Variants in ZNF341 observed in about 807,000 individuals in gnomAD.
ZNF341 encodes the protein zinc finger protein 341.
Under a neutral mutation model 87.7 loss-of-function variants are expected in ZNF341, and 52 were observed. The ratio of observed to expected loss-of-function variants is 0.59; its 90% CI spans 0.47 to 0.75. The LOEUF (loss-of-function observed/expected upper bound fraction) is 0.75, where lower values mean the gene tolerates loss of function less well. Among genes scored for constraint, ZNF341 ranks in the 30% least tolerant of loss-of-function variants. The pLI is 0.00. For synonymous variants in ZNF341, 459 were observed against 472.7 expected (o/e 0.97, Z 0.38); for missense variants, 977 against 1,145.9 (o/e 0.85, Z 2.13).
intron 5 of ZNF341, among the ~76,000 whole-genome samples, chr20:33,755,353 G>A (rs1490366271): frequency 1.3e-5 from 2 of 151,904 alleles, no homozygotes; most frequent in Admixed American, 6.6e-5. Flanking sequence ...ATTAGAGATA[G>A]GGGTCTCACT....
chr20:33,791,085 C>A lies in ZNF341; in HGVS notation c.2133C>A (p.Phe711Leu). ...GCGCCCACACGGGCAACTACAAGTT[C>A]CGCTGTGCTGGCTGCGCCAAGGGCT... ...HQRAHTGNYK[F>L]RCAGCAKGFS... Residue 711 changes from phenylalanine to leucine, a missense_variant, in exon 15 of 15, where the codon TTC becomes TTA. Around this residue, in one of 3 missense-constraint regions of ZNF341, gnomAD observed 221 missense variants for 212.7 expected, o/e 1.04. Transcript: ENST00000375200. 6.2e-7 allele frequency: 1 copy of A among 1,613,274 alleles called. No individual in the cohort carries two copies. Among genetic ancestry groups the A allele is most frequent in the Non-Finnish European group, 8.5e-7 (1 of 1,180,018 alleles).
chr20:33,748,247 T>A (rs1201923954), intron 3 of ZNF341, among the ~76,000 whole-genome samples: 2 of 151,868 alleles, frequency 1.3e-5, no homozygotes, highest in African/African-American at 4.8e-5. Context: ...ACTTTTTGTA[T>A]TTTTAGTAGA....
chr20:33,737,877 C>T (rs2018724318), intron 1 of ZNF341, among the ~76,000 whole-genome samples: 1 of 152,094 alleles, frequency 6.6e-6, no homozygotes, highest in Non-Finnish European at 1.5e-5. Flanking sequence ...GTGGCTCACA[C>T]CTGTAACCCC....
chr20:33,779,282 TGAGGACTG>T (rs2019691820), intron 10 of ZNF341, among the ~76,000 whole-genome samples: 1 of 152,048 alleles, frequency 6.6e-6, no homozygotes, highest in Non-Finnish European at 1.5e-5. Context: ...CTCACTATCC[TGAGGACTG>T]CACCAAGGGG....
Position 33,770,230 on chromosome 20 carries a change from G to A in ZNF341, c.1560G>A (p.Val520=). Residue 520 remains valine (V), a synonymous_variant, in exon 10 of 15, where the codon GTG becomes GTA. Transcript: ENST00000375200. The part of the protein sequence containing the change: ...KDFPSLYDLG[V]HQYSHSLLPQ... ...TCCCCTCGCTGTACGACCTGGGCGT[G>A]CACCAGTACTCCCACAGCCTCCTGC... The A allele has an allele frequency of 6.2e-7, 1 of 1,611,552 alleles. No individual in the cohort carries two copies. Among genetic ancestry groups the A allele is most frequent in the Non-Finnish European group, 8.5e-7 (1 of 1,179,122 alleles).
chr20:33,749,249 G>A (rs1367964937), intron 4 of ZNF341, among the ~76,000 whole-genome samples, 177 bp downstream of exon 4: 1 of 152,194 alleles, frequency 6.6e-6, no homozygotes, highest in Non-Finnish European at 1.5e-5. Context: ...CTACGTCTAG[G>A]TGGGGACCCA....
rs909165033 is a variant in ZNF341 at position 33,745,280 on chromosome 20, C to T, written c.320C>T (p.Pro107Leu). ...SAAPTAVQQA[P>L]TPANRQISTY... Reference sequence around the variant, plus strand: ...GCACCCACAGCGGTCCAGCAGGCCCCAACTCCTGCCAATCGCCAGGTATTT... The same window carrying T: ...GCACCCACAGCGGTCCAGCAGGCCCTAACTCCTGCCAATCGCCAGGTATTT... Residue 107 changes from proline (P) to leucine (L), a missense_variant, in exon 3 of 15, where the codon CCA (proline) becomes CTA (leucine). Physicochemically the swap from Pro to Leu is moderately conservative, Grantham distance 98. Around this residue, in one of 3 missense-constraint regions of ZNF341, gnomAD observed 515 missense variants for 598.2 expected, o/e 0.86. Transcript: ENST00000375200. 3 of 1,611,986 alleles carry T rather than the reference C, an allele frequency of 1.9e-6. No homozygotes were observed. Among genetic ancestry groups the T allele is most frequent in the African/African-American group, 2.7e-5 (2 of 74,868 alleles).
rs1433468980 is a variant in ZNF341 at position 33,783,787 on chromosome 20, G to A, written c.1775G>A (p.Gly592Asp). The A allele has an allele frequency of 6.2e-7, 1 of 1,613,810 alleles. No homozygotes were observed. The highest frequency in any genetic ancestry group is 1.3e-5 in the African/African-American group (1 of 74,952). ...CATCTGCCCACCCACGGCAGCGGGG[G>A]CAGGTTCAAGTGCCAAGTGTGCAAG... ...RRHLPTHGSG[G>D]RFKCQVCKKF... The change falls in exon 12 of 15, where the codon GGC becomes GAC. Residue 592 changes from glycine (G) to aspartate (D), a missense_variant. This residue lies in a region of ZNF341 where 241 missense variants were observed against 335.0 expected (regional missense o/e 0.72). Transcript: ENST00000375200.
In ZNF341 at chr20:33,791,390, C is replaced by G. The variant is rs1440488557; in HGVS notation, c.2438C>G (p.Thr813Ser). ...GTGGGTGGTGCGGTGGGCGCGGAAA[C>G]TGAGCTGGTGGTACCTGGACACGCT... ...IVVGGAVGAE[T>S]ELVVPGHAEG... Residue 813 changes from threonine (T) to serine (S), a missense_variant, in exon 15 of 15, where the codon ACT (threonine) becomes AGT (serine). Coordinates refer to ENST00000375200, the MANE Select transcript of ZNF341 (RefSeq NM_001282933.2). The G allele has an allele frequency of 6.2e-6, 10 of 1,612,572 alleles. No homozygotes were observed. Among genetic ancestry groups the G allele is most frequent in the Non-Finnish European group, 8.5e-6 (10 of 1,179,760 alleles).
chr20:33,790,455 T>C (rs1302710091), intron 14 of ZNF341, among the ~76,000 whole-genome samples: 1 of 152,178 alleles, frequency 6.6e-6, no homozygotes, highest in African/African-American at 2.4e-5. Context: ...TTCTATCTAC[T>C]GGTGTCAGTG....
At chr20:33,776,498 C>T (rs1568590202) in intron 10 of ZNF341, among the ~76,000 whole-genome samples, 1 of 152,116 alleles carries the variant, frequency 6.6e-6, no homozygotes, top group Admixed American at 6.6e-5. Context: ...AGCAATCCTC[C>T]AGCTCAGCCT....
Position 33,757,313 on chromosome 20 carries a change from C to A in ZNF341, c.907C>A (p.Arg303=), listed in dbSNP as rs561674641. Residue 303 remains arginine (R), a synonymous_variant, in exon 6 of 15, where the codon CGA becomes AGA. Transcript: ENST00000375200. Reference sequence around the variant, plus strand: ...CTCTCCAGCAACGCTGAAGACCCGACGAGCTAAAGGTGCCAGGGGACTCCC... The same window carrying A: ...CTCTCCAGCAACGCTGAAGACCCGAAGAGCTAAAGGTGCCAGGGGACTCCC... ...FDSPATLKTR[R]AKGARGLPEA... The A allele has an allele frequency of 1.3e-6, 2 of 1,583,894 alleles. No individual in the cohort carries two copies.
intron 10 of ZNF341, among the ~76,000 whole-genome samples, chr20:33,779,610 C>T (rs1159436121): frequency 1.3e-5 from 2 of 152,100 alleles, no homozygotes; most frequent in East Asian, 3.9e-4. Flanking sequence ...GCCACCACGC[C>T]TGGCTAATGT....
intron 8 of ZNF341, among the ~76,000 whole-genome samples, chr20:33,765,814 C>T (rs2019392918): frequency 6.6e-6 from 1 of 152,160 alleles, no homozygotes; most frequent in African/African-American, 2.4e-5. Context: ...AGGCCAGAGG[C>T]CCCTGATGTC....
intron 4 of ZNF341, 92 bp downstream of exon 4, chr20:33,749,164 G>A: frequency 1.3e-6 from 2 of 1,487,182 alleles, no homozygotes; most frequent in Non-Finnish European, 1.8e-6. Flanking sequence ...AAGGGGGCCT[G>A]GCCCCAGCTC....
chr20:33,780,488 A>C (rs1291669974), intron 10 of ZNF341, among the ~76,000 whole-genome samples: 1 of 151,688 alleles, frequency 6.6e-6, no homozygotes, highest in African/African-American at 2.4e-5. Flanking sequence ...GCTCACTGCA[A>C]CCTCCGCCTC....
chr20:33,746,063 T>G (rs1405719762), intron 3 of ZNF341, among the ~76,000 whole-genome samples: 1 of 150,098 alleles, frequency 6.7e-6, no homozygotes, highest in Non-Finnish European at 1.5e-5. Flanking sequence ...CCCAAGTAGC[T>G]GGGACTACAG....
In ZNF341 at chr20:33,741,373, G is replaced by T. The variant is rs557349990; in HGVS notation, c.142+361G>T. On this transcript the variant is annotated intron_variant, in intron 2 of 14. Transcript: ENST00000375200. ...AGCATGAATTGCTCCTGTTTACTGG[G>T]CCAGGCCTGTAAGGGTCTTCTTTTT... Among the ~76,000 whole-genome samples, 10 of 151,764 alleles carry T rather than the reference G, an allele frequency of 6.6e-5. No individual in the cohort carries two copies. In the South Asian group the frequency reaches 1.9e-3, roughly 28 times the overall value.
chr20:33,779,990 C>A (rs2019709159), intron 10 of ZNF341, among the ~76,000 whole-genome samples: 1 of 152,108 alleles, frequency 6.6e-6, no homozygotes, highest in Admixed American at 6.6e-5. Flanking sequence ...ACCAAGTAAG[C>A]AAATAATAAA....
Sources: gnomAD v4.1 joint callset for allele counts (sites outside exome capture counted in the v4.1 genomes callset) on GRCh38, gnomAD v4.1.1 for gene constraint, gnomAD v4.1.1 regional missense constraint, MANE v1.5 for transcripts, NCBI Gene and HGNC (gene_info 2026-07-23, HGNC 2026-07-21) for gene names.